Variants in FTO observed in about 807,000 individuals in gnomAD.
FTO encodes the protein alpha-ketoglutarate-dependent dioxygenase FTO.
A neutral mutation model predicts 63.9 loss-of-function variants in FTO; 47 were observed. The observed-to-expected ratio is 0.74, with a 90% CI of 0.58 to 0.94. The LOEUF (loss-of-function observed/expected upper bound fraction) is 0.94, where lower values mean the gene tolerates loss of function less well. Ranked by LOEUF, FTO falls within the 40% of genes least tolerant of loss-of-function variation. The pLI, the probability that FTO is intolerant of heterozygous loss-of-function variation, is 0.00. For missense variants in FTO, 562 were observed against 618.1 expected (o/e 0.91, Z 0.96); for synonymous variants, 207 against 224.4 (o/e 0.92, Z 0.69).
intron 4 of FTO, among the ~76,000 whole-genome samples, chr16:53,861,688 A>G (rs1234658484): frequency 6.6e-6 from 1 of 152,212 alleles, no homozygotes; most frequent in Non-Finnish European, 1.5e-5. Flanking sequence ...CAATAGTTGC[A>G]TTAAATTAAA....
At chr16:53,736,355 T>C (rs59350221) in intron 1 of FTO, among the ~76,000 whole-genome samples, 16 of 123,068 alleles carry the variant, frequency 1.3e-4, no homozygotes, top group African/African-American at 6.0e-4. Flanking sequence ...AAAGTATAAT[T>C]AAAAAAAAAA....
At chr16:54,034,426 AC>A (rs1204631102) in intron 8 of FTO, among the ~76,000 whole-genome samples, 1 of 152,250 alleles carries the variant, frequency 6.6e-6, no homozygotes, top group Non-Finnish European at 1.5e-5. Context: ...TTGCCACCTT[AC>A]AAGTAGCCTG....
At chr16:53,946,075 A>C (rs1567462267) in intron 8 of FTO, among the ~76,000 whole-genome samples, 1 of 152,134 alleles carries the variant, frequency 6.6e-6, no homozygotes, top group African/African-American at 2.4e-5. Context: ...ATGGTGGAGG[A>C]GGATGGGGGA....
chr16:53,868,163 G>A (rs1445559980), intron 4 of FTO, among the ~76,000 whole-genome samples: 1 of 151,950 alleles, frequency 6.6e-6, no homozygotes, highest in Non-Finnish European at 1.5e-5. Context: ...TTTAATGTGT[G>A]TATTTAGACC....
chr16:53,807,107 A>T (rs1348387154), intron 1 of FTO, among the ~76,000 whole-genome samples: 1 of 152,168 alleles, frequency 6.6e-6, no homozygotes, highest in Non-Finnish European at 1.5e-5. Context: ...ACTTCTCTTT[A>T]TGTTTGTAAA....
chr16:54,027,093 GAA>G (rs2084730696), intron 8 of FTO, among the ~76,000 whole-genome samples: 1 of 151,922 alleles, frequency 6.6e-6, no homozygotes, highest in South Asian at 2.1e-4. Context: ...CAGAGAGAGA[GAA>G]GAGAGAAGTC....
At chr16:53,795,056 T>C (rs73607075) in intron 1 of FTO, among the ~76,000 whole-genome samples, 15,796 of 151,986 alleles carry the variant, frequency 0.1, 1,163 homozygotes, top group African/African-American at 0.21. Flanking sequence ...AGGCATTACA[T>C]TGATGAAAAA....
At chr16:53,906,400 G>T (rs1339604804) in intron 7 of FTO, among the ~76,000 whole-genome samples, 1 of 152,212 alleles carries the variant, frequency 6.6e-6, no homozygotes, top group South Asian at 2.1e-4. Flanking sequence ...GAACAGATTA[G>T]CGAATGAACA....
At chr16:53,737,095 C>T (rs1429925233) in intron 1 of FTO, among the ~76,000 whole-genome samples, 3 of 152,206 alleles carry the variant, frequency 2.0e-5, no homozygotes, top group Admixed American at 1.3e-4. Context: ...CTGTGTGCGC[C>T]TGTTTCTGCA....
chr16:53,961,994 G>A (rs889996884), intron 8 of FTO, among the ~76,000 whole-genome samples: 1 of 152,118 alleles, frequency 6.6e-6, no homozygotes, highest in African/African-American at 2.4e-5. Context: ...AAGGTACACC[G>A]CCTCCCAAAG....
chr16:53,722,820 G>A (rs1422201466), intron 1 of FTO, among the ~76,000 whole-genome samples: 1 of 98,780 alleles, frequency 1.0e-5, no homozygotes, highest in African/African-American at 4.7e-5. Flanking sequence ...AGGGTGAGAC[G>A]CCACCTCAAA....
chr16:53,985,969 A>G (rs903346368), intron 8 of FTO, among the ~76,000 whole-genome samples: 4 of 152,208 alleles, frequency 2.6e-5, no homozygotes, highest in Non-Finnish European at 4.4e-5. Context: ...TTTCAGGTTC[A>G]TGATGAAAAA....
At chr16:54,018,649 G>C (rs1448405082) in intron 8 of FTO, among the ~76,000 whole-genome samples, 1 of 152,120 alleles carries the variant, frequency 6.6e-6, no homozygotes, top group Non-Finnish European at 1.5e-5. Flanking sequence ...GTGATAGTGA[G>C]TAAATTCTCA....
intron 7 of FTO, among the ~76,000 whole-genome samples, chr16:53,897,237 A>G (rs1402767826): frequency 2.0e-5 from 3 of 152,032 alleles, no homozygotes; most frequent in Non-Finnish European, 4.4e-5. Context: ...ATCTGGAACC[A>G]CCTGTGACAG....
At chr16:53,756,975 T>C (rs532834149) in intron 1 of FTO, among the ~76,000 whole-genome samples, 1 of 152,332 alleles carries the variant, frequency 6.6e-6, no homozygotes, top group African/African-American at 2.4e-5. Flanking sequence ...TGTAGCGTTG[T>C]TGTTTTTAGC....
chr16:53,744,264 A>T (rs978517129), intron 1 of FTO, among the ~76,000 whole-genome samples: 1 of 152,196 alleles, frequency 6.6e-6, no homozygotes, highest in Non-Finnish European at 1.5e-5. Flanking sequence ...CACTAAAAAG[A>T]TGGGAAGGCA....
At chr16:53,782,879 C>T (rs1015365174) in intron 1 of FTO, among the ~76,000 whole-genome samples, 1 of 152,176 alleles carries the variant, frequency 6.6e-6, no homozygotes, top group African/African-American at 2.4e-5. Flanking sequence ...ATGTAAACCC[C>T]ATAAGAACAG....
intron 8 of FTO, among the ~76,000 whole-genome samples, chr16:54,023,747 C>T (rs1392364990): frequency 6.6e-6 from 1 of 152,166 alleles, no homozygotes; most frequent in Non-Finnish European, 1.5e-5. Flanking sequence ...CTTTATTGTT[C>T]CCCCTTTTTG....
intron 1 of FTO, among the ~76,000 whole-genome samples, chr16:53,714,620 T>C (rs1477147799): frequency 6.6e-6 from 1 of 152,200 alleles, no homozygotes; most frequent in African/African-American, 2.4e-5. Context: ...CATGTCAATC[T>C]TGTTATTTAG....
Sources: gnomAD v4.1 joint callset for allele counts (sites outside exome capture counted in the v4.1 genomes callset) on GRCh38, gnomAD v4.1.1 for gene constraint, MANE v1.5 for transcripts, NCBI Gene and HGNC (gene_info 2026-07-23, HGNC 2026-07-21) for gene names.